COP1: variants seen among roughly 807,000 people sequenced by gnomAD.
The protein encoded by COP1 is E3 ubiquitin-protein ligase COP1.
A neutral mutation model predicts 101.3 loss-of-function variants in COP1; 24 were observed. The observed-to-expected ratio is 0.24, with a 90% CI of 0.17 to 0.33. COP1 has a LOEUF of 0.33. Among genes scored for constraint, COP1 ranks in the 10% least tolerant of loss-of-function variants. The pLI is 1.00. For synonymous variants in COP1, 347 were observed against 341.9 expected, an observed-to-expected ratio of 1.01 and a Z score of -0.17; for missense variants, 663 against 906.2, an observed-to-expected ratio of 0.73 and a Z score of 3.45.
intron 9 of COP1, among the ~76,000 whole-genome samples, chr1:176,087,305 A>G (rs778461198): frequency 6.6e-6 from 1 of 152,244 alleles, no homozygotes; most frequent in Non-Finnish European, 1.5e-5. Context: ...AGAAACTATC[A>G]TCAGAGTGAA....
rs544544782 is a variant in COP1, at chr1:176,140,624, A to C, written c.832-4077T>G. Among the ~76,000 whole-genome samples, 44 of 152,290 alleles carry C rather than the reference A, an allele frequency of 2.9e-4. 1 individual carries two copies. The South Asian group carries it at 8.5e-3, about 29-fold the overall frequency. On this transcript the variant is annotated intron_variant, in intron 6 of 19. Transcript: ENST00000367669. ...AAGAAATGGGCTAAATTCACTCTGT[A>C]AACATAACCCCGGGAAGGAGAACTT...
chr1:176,194,053 T>C (rs1699388982), intron 1 of COP1, among the ~76,000 whole-genome samples: 1 of 152,154 alleles, frequency 6.6e-6, no homozygotes, highest in Admixed American at 6.5e-5. Flanking sequence ...AATTTTTATA[T>C]TGTATATGAA....
intron 5 of COP1, among the ~76,000 whole-genome samples, chr1:176,150,621 T>A (rs1286949741): frequency 6.6e-6 from 1 of 152,218 alleles, no homozygotes; most frequent in Non-Finnish European, 1.5e-5. Context: ...ATTTAAAAAG[T>A]AACAACTTTA....
In COP1 at chr1:176,119,205, C is replaced by T. The variant is rs148929139; in HGVS notation, c.969-2524G>A. On this transcript the variant is annotated intron_variant, in intron 8 of 19. Coordinates refer to ENST00000367669, the MANE Select transcript of COP1 (RefSeq NM_022457.7). ...GAGACTAAGAGGACTGAAAGTGAGG[C>T]AATGCAATGCATTAAAAATCTCTGT... is the stretch of plus-strand genomic sequence containing the variant. Among the ~76,000 whole-genome samples, 1,408 of 152,258 alleles carry T rather than the reference C, an allele frequency of 9.2e-3. 24 individuals are homozygous for T. Among genetic ancestry groups the T allele is most frequent in the African/African-American group, 0.032 (1,338 of 41,544 alleles).
chr1:176,168,837 A>G, intron 3 of COP1: 1 of 186,410 alleles, frequency 5.4e-6, no homozygotes, highest in Non-Finnish European at 1.2e-5. Context: ...GTCAGGAGGA[A>G]GAGGGGCTAT....
In COP1 at chr1:176,022,453, A is replaced by G. The variant is rs561570860; in HGVS notation, c.1729+5119T>C. 3.3e-5 allele frequency among the ~76,000 whole-genome samples: 5 copies of G among 152,352 alleles called. No individual in the cohort carries two copies. In the East Asian group the frequency reaches 9.6e-4, roughly 29 times the overall value. ...TCATCATCACAAATGATATTTATTA[A>G]TAAGCAACTTCATGAGTATGATTCT... On this transcript the variant is annotated intron_variant, in intron 15 of 19. Coordinates refer to ENST00000367669, the MANE Select transcript of COP1 (RefSeq NM_022457.7).
At chr1:176,155,072 C>T (rs1048224365) in intron 5 of COP1, among the ~76,000 whole-genome samples, 25 of 152,218 alleles carry the variant, frequency 1.6e-4, no homozygotes, top group African/African-American at 6.0e-4. Context: ...TTTGGAAGCA[C>T]TGGCATCACA....
intron 14 of COP1, among the ~76,000 whole-genome samples, chr1:176,032,087 T>C (rs1169817896): frequency 6.6e-6 from 1 of 152,170 alleles, no homozygotes; most frequent in Non-Finnish European, 1.5e-5. Flanking sequence ...GGACAGAAGT[T>C]TGACACAGTA....
chr1:175,996,594 T>G (rs372381333), intron 15 of COP1, among the ~76,000 whole-genome samples: 1 of 147,626 alleles, frequency 6.8e-6, no homozygotes, highest in Admixed American at 6.9e-5. Context: ...AGCATTCTTA[T>G]ACACCAATAA....
At chr1:176,090,406 A>C (rs1681054341) in intron 9 of COP1, among the ~76,000 whole-genome samples, 1 of 152,176 alleles carries the variant, frequency 6.6e-6, no homozygotes, top group African/African-American at 2.4e-5. Context: ...TCTTTAAAAA[A>C]GTTTATTTGT....
At chr1:176,127,591 ATG>A (rs934122846) in intron 8 of COP1, among the ~76,000 whole-genome samples, 1 of 52,006 alleles carries the variant, frequency 1.9e-5, no homozygotes, top group African/African-American at 4.4e-5. Flanking sequence ...GTGTGTGTGT[ATG>A]TGTATATATG....
intron 18 of COP1, among the ~76,000 whole-genome samples, chr1:175,977,720 C>A (rs1324183705): frequency 2.0e-5 from 3 of 152,026 alleles, no homozygotes; most frequent in African/African-American, 4.8e-5. Context: ...AGTAAAAAAA[C>A]CTTTTTTCTT....
chr1:175,989,433 G>A lies in COP1; in HGVS notation c.1776C>T (p.Ile592=), dbSNP rs780429584. 28 of 1,609,606 alleles carry A rather than the reference G, an allele frequency of 1.7e-5. No individual in the cohort carries two copies. The highest frequency in any genetic ancestry group is 2.4e-5 in the Non-Finnish European group (28 of 1,176,068). Reference sequence around the variant, plus strand: ...CTTTACGGTGTCCTTTGAATACCATGATTGGCTGTTTAGTGTTACGAAGAT... The same window carrying A: ...CTTTACGGTGTCCTTTGAATACCATAATTGGCTGTTTAGTGTTACGAAGAT... The part of the protein sequence containing the change: ...YYDLRNTKQP[I]MVFKGHRKAV... Residue 592 remains isoleucine (I), a synonymous_variant, in exon 16 of 20, where the codon ATC becomes ATT. Coordinates refer to ENST00000367669, the MANE Select transcript of COP1 (RefSeq NM_022457.7).
intron 18 of COP1, among the ~76,000 whole-genome samples, chr1:175,953,733 G>A (rs147193166): frequency 6.7e-6 from 1 of 149,926 alleles, no homozygotes; most frequent in South Asian, 2.1e-4. Context: ...GATAAAGACA[G>A]GTATTTCATA....
At chr1:176,095,473 G>A (rs2481639) in intron 9 of COP1, among the ~76,000 whole-genome samples, 131,410 of 152,192 alleles carry the variant, frequency 0.86, 58,810 homozygotes, top group Non-Finnish European at 0.98. Flanking sequence ...GCTTGAGTCC[G>A]GATCCAGACC....
intron 9 of COP1, among the ~76,000 whole-genome samples, chr1:176,099,625 T>C (rs1456958191): frequency 1.3e-5 from 2 of 152,156 alleles, no homozygotes; most frequent in Admixed American, 1.3e-4. Context: ...GCAATAAGAA[T>C]CCATTTTCTT....
At chr1:176,154,343 G>A (rs1693115744) in intron 5 of COP1, among the ~76,000 whole-genome samples, 1 of 152,138 alleles carries the variant, frequency 6.6e-6, no homozygotes, top group Non-Finnish European at 1.5e-5. Flanking sequence ...GCACATGTAT[G>A]TTCACTGCAG....
At chr1:176,014,214 G>A (rs567952451) in intron 15 of COP1, among the ~76,000 whole-genome samples, 6 of 152,236 alleles carry the variant, frequency 3.9e-5, no homozygotes, top group South Asian at 4.2e-4. Context: ...GGGAAGCTGC[G>A]CTTACATTTG....
chr1:176,085,714 A>G (rs562575838), intron 10 of COP1, 62 bp downstream of exon 10: 3 of 1,001,740 alleles, frequency 3.0e-6, no homozygotes, highest in Admixed American at 2.2e-5. Context: ...ATTCAGCACA[A>G]AAACCTAGAA....
Sources: gnomAD v4.1 joint callset for allele counts (sites outside exome capture counted in the v4.1 genomes callset) on GRCh38, gnomAD v4.1.1 for gene constraint, MANE v1.5 for transcripts, NCBI Gene and HGNC (gene_info 2026-07-23, HGNC 2026-07-21) for gene names.